Variants in OTOF observed in about 807,000 individuals in gnomAD.
The protein encoded by OTOF is otoferlin, also known as fer-1-like family member 2.
A neutral mutation model predicts 236.8 loss-of-function variants in OTOF; 218 were observed. The ratio of observed to expected loss-of-function variants is 0.92; its 90% CI spans 0.82 to 1.03. The LOEUF is 1.03. OTOF is among the 50% of genes least tolerant of loss of function. The pLI is 0.00. For synonymous variants in OTOF, 1,041 were observed against 1,072.5 expected, an observed-to-expected ratio of 0.97 and a Z score of 0.57; for missense variants, 2,590 against 2,694.4, an observed-to-expected ratio of 0.96 and a Z score of 0.86.
At position 26,531,683 on chromosome 2, in the gene OTOF, C is replaced by G. The variant is rs543717115; in HGVS notation, c.139-3763G>C. 2.6e-5 allele frequency among the ~76,000 whole-genome samples: 4 copies of G among 152,218 alleles called. No individual in the cohort carries two copies. The East Asian group carries it at 7.7e-4, about 29-fold the overall frequency. The stretch of plus-strand genomic sequence containing the variant: ...TGTCTCCTCATTTTTGTGGTTATGT[C>G]CTTTCCTCCATTTGGGGTGATATGC... On this transcript the variant is annotated intron_variant, in intron 2 of 46. Transcript: ENST00000272371.
Position 26,463,569 on chromosome 2 carries a change from G to T in OTOF, c.5106C>A (p.Gly1702=). The T allele has an allele frequency of 6.2e-7, 1 of 1,600,304 alleles. No individual in the cohort carries two copies. The highest frequency in any genetic ancestry group is 1.7e-5 in the Admixed American group (1 of 58,198). The change falls in exon 41 of 47, where the codon GGC becomes GGA. Residue 1702 remains glycine, a splice_region_variant and synonymous_variant. Coordinates refer to ENST00000272371, the MANE Select transcript of OTOF (RefSeq NM_194248.3). ...ACATGTCCACCCACAGCTCCAGGCG[G>T]CCCTGAGGAAGAGGGTTGTGGCAGA... ...LNPDKPGIEQ[G]RLELWVDMFP...
intron 2 of OTOF, among the ~76,000 whole-genome samples, chr2:26,528,472 A>G (rs1666864239): frequency 6.6e-6 from 1 of 152,238 alleles, no homozygotes; most frequent in South Asian, 2.1e-4. Context: ...CACTGGGGAC[A>G]GGTTTGAGCT....
chr2:26,489,663 C>A lies in OTOF; in HGVS notation c.960+15G>T. On this transcript the variant is annotated intron_variant, in intron 10 of 46. Transcript: ENST00000272371. ...AGGGAGTGGCCCTGCCGGCCAGGGG[C>A]TGCTCCCCACTCACCGAAATCTTGA... 1 of 1,608,946 alleles carries A rather than the reference C, an allele frequency of 6.2e-7. No homozygotes were observed. The highest frequency in any genetic ancestry group is 8.5e-7 in the Non-Finnish European group (1 of 1,176,272).
Position 26,476,130 on chromosome 2 carries a change from G to T in OTOF, c.2864C>A (p.Thr955Asn). The T allele has an allele frequency of 7.4e-6, 12 of 1,611,430 alleles. No homozygotes were observed. The highest frequency in any genetic ancestry group is 9.3e-6 in the Non-Finnish European group (11 of 1,179,474). Residue 955 changes from threonine to asparagine, a missense_variant and splice_region_variant, in exon 23 of 47, where the codon ACC (threonine) becomes AAC (asparagine). Thr to Asn is a moderately conservative substitution (Grantham distance 65). Coordinates refer to ENST00000272371, the MANE Select transcript of OTOF (RefSeq NM_194248.3). ...TCGAGTGAGGGGTCCTCACTCACTG[G>T]TGTAGACCAGGCTGACGGGTGGGAA... ...HAFPPVSLVYTKKQAFQLRAH... is the reference protein window; with the variant it reads ...HAFPPVSLVYNKKQAFQLRAH...
At chr2:26,513,472 G>A (rs938376151) in intron 5 of OTOF, among the ~76,000 whole-genome samples, 2 of 152,088 alleles carry the variant, frequency 1.3e-5, no homozygotes, top group Non-Finnish European at 2.9e-5. Flanking sequence ...TCTGGGCTGA[G>A]GCTGTTTCCT....
chr2:26,549,632 C>T (rs1225823119), intron 1 of OTOF, among the ~76,000 whole-genome samples: 1 of 152,198 alleles, frequency 6.6e-6, no homozygotes, highest in Non-Finnish European at 1.5e-5. Flanking sequence ...TCATGTATTT[C>T]CCCTTAACCC....
Position 26,467,106 on chromosome 2 carries a change from C to T in OTOF, c.4355G>A (p.Arg1452His), listed in dbSNP as rs768251297. ...GSTEEERIVG[R>H]FKGSLCVYKV... ...CCGTGCTCCTGGCCTGACCTTGAAG[C>T]GTCCCACAATGCGCTCCTCCTCGGT... Residue 1452 changes from arginine to histidine, a missense_variant, in exon 35 of 47, where the codon CGC (arginine) becomes CAC (histidine). By Grantham distance (29) the Arg-to-His change is conservative. Around this residue, in one of 2 missense-constraint regions of OTOF, gnomAD observed 1,211 missense variants for 1,352.8 expected, o/e 0.90. Coordinates refer to ENST00000272371, the MANE Select transcript of OTOF (RefSeq NM_194248.3). The T allele has an allele frequency of 5.0e-6, 8 of 1,613,218 alleles. No homozygotes were observed. Among genetic ancestry groups the T allele is most frequent in the South Asian group, 3.3e-5 (3 of 91,082 alleles).
intron 7 of OTOF, 61 bp downstream of exon 7, chr2:26,502,239 A>T: frequency 6.3e-7 from 1 of 1,598,656 alleles, no homozygotes; most frequent in Non-Finnish European, 8.6e-7. Flanking sequence ...CAATCATGGC[A>T]AGCCAGGTCC....
intron 2 of OTOF, among the ~76,000 whole-genome samples, chr2:26,536,214 C>T (rs1667065738): frequency 6.6e-6 from 1 of 152,140 alleles, no homozygotes. Flanking sequence ...AGCCATGATT[C>T]CACTCTCACC....
intron 1 of OTOF, among the ~76,000 whole-genome samples, chr2:26,545,705 T>C (rs1310259064): frequency 6.6e-6 from 1 of 152,206 alleles, no homozygotes; most frequent in Non-Finnish European, 1.5e-5. Flanking sequence ...TAATCCATCT[T>C]ACATTAATTT....
intron 1 of OTOF, among the ~76,000 whole-genome samples, chr2:26,550,195 A>T (rs1262244009): frequency 6.6e-6 from 1 of 152,006 alleles, no homozygotes; most frequent in Non-Finnish European, 1.5e-5. Flanking sequence ...AATAGAAACG[A>T]GGACTGTTGA....
chr2:26,484,745 T>C (rs1572441131), intron 11 of OTOF, 112 bp from the exon 12 acceptor site: 1 of 1,076,222 alleles, frequency 9.3e-7, no homozygotes, highest in East Asian at 2.5e-5. Context: ...GTCCCTAGAG[T>C]CCCGGGACCT....
In OTOF at chr2:26,489,192, G is replaced by A. The variant is rs773286545; in HGVS notation, c.1045+19C>T. On this transcript the variant is annotated intron_variant, in intron 11 of 46. Coordinates refer to ENST00000272371, the MANE Select transcript of OTOF (RefSeq NM_194248.3). ...GAGCCATGCACACCTCGACTGACTG[G>A]CCATGCGCAGGTACTCACCTGGCTG... 6.3e-7 allele frequency: 1 copy of A among 1,581,232 alleles called. No individual in the cohort carries two copies. Among genetic ancestry groups the A allele is most frequent in the East Asian group, 2.3e-5 (1 of 44,262 alleles).
intron 1 of OTOF, among the ~76,000 whole-genome samples, chr2:26,549,745 G>C (rs1667414758): frequency 1.3e-5 from 2 of 152,182 alleles, no homozygotes; most frequent in Non-Finnish European, 2.9e-5. Context: ...CATCTCTCTG[G>C]CTCAGCTCAA....
At chr2:26,548,303 G>T (rs997493529) in intron 1 of OTOF, among the ~76,000 whole-genome samples, 18 of 151,900 alleles carry the variant, frequency 1.2e-4, no homozygotes, top group African/African-American at 4.1e-4. Context: ...ATTTGGTGGG[G>T]GGTGTTTGAT....
chr2:26,557,135 C>T lies in OTOF; in HGVS notation c.79+1358G>A, dbSNP rs191466348. 5.9e-5 allele frequency among the ~76,000 whole-genome samples: 9 copies of T among 152,320 alleles called. No individual in the cohort carries two copies. In the East Asian group the frequency reaches 1.7e-3, roughly 29 times the overall value. ...TGAACACAAGCTGCAATGTGGGCAT[C>T]CCAGGGCCTCTGGGTAGGTGATGTG... On this transcript the variant is annotated intron_variant, in intron 1 of 46. Transcript: ENST00000272371.
intron 1 of OTOF, among the ~76,000 whole-genome samples, chr2:26,541,634 A>G (rs1667214250): frequency 6.6e-6 from 1 of 152,206 alleles, no homozygotes; most frequent in South Asian, 2.1e-4. Flanking sequence ...CCAAGTGATC[A>G]GGGGGATGAC....
intron 1 of OTOF, among the ~76,000 whole-genome samples, chr2:26,545,075 C>T (rs1444868282): frequency 6.6e-6 from 1 of 151,596 alleles, no homozygotes; most frequent in Non-Finnish European, 1.5e-5. Flanking sequence ...AGAAAGAAAT[C>T]GCCAAATAGT....
chr2:26,518,777 G>A (rs1057326888), intron 4 of OTOF, among the ~76,000 whole-genome samples: 1 of 152,244 alleles, frequency 6.6e-6, no homozygotes, highest in African/African-American at 2.4e-5. Context: ...TCCCACCGTA[G>A]GAAGGGCAGG....
Sources: gnomAD v4.1 joint callset for allele counts (sites outside exome capture counted in the v4.1 genomes callset) on GRCh38, gnomAD v4.1.1 for gene constraint, gnomAD v4.1.1 regional missense constraint, MANE v1.5 for transcripts, NCBI Gene and HGNC (gene_info 2026-07-23, HGNC 2026-07-21) for gene names.